The following SEMA6D variants were observed in gnomAD, a reference collection of about 807,000 sequenced individuals.
SEMA6D encodes the protein semaphorin 6D.
Under a neutral mutation model 106.6 loss-of-function variants are expected in SEMA6D, and 35 were observed. The ratio of observed to expected loss-of-function variants is 0.33; its 90% CI spans 0.25 to 0.44. SEMA6D has a LOEUF of 0.44. Ranked by LOEUF, SEMA6D falls within the 20% of genes least tolerant of loss-of-function variation. SEMA6D has a pLI of 1.00. For missense variants in SEMA6D, 1,185 were observed against 1,345.9 expected, an observed-to-expected ratio of 0.88 and a Z score of 1.87; for synonymous variants, 499 against 487.7, an observed-to-expected ratio of 1.02 and a Z score of -0.31.
chr15:47,654,151 C>A (rs190479021), intron 4 of SEMA6D, among the ~76,000 whole-genome samples: 2 of 152,278 alleles, frequency 1.3e-5, no homozygotes. Context: ...AACTGCAGGG[C>A]TCTTCCTCTT....
chr15:47,749,373 G>A (rs2081311254), intron 1 of SEMA6D, among the ~76,000 whole-genome samples: 1 of 152,080 alleles, frequency 6.6e-6, no homozygotes, highest in South Asian at 2.1e-4. Flanking sequence ...GAGCCACTGC[G>A]CCCGGCCTAA....
At chr15:47,492,772 G>T (rs2043511987) in intron 3 of SEMA6D, among the ~76,000 whole-genome samples, 1 of 152,084 alleles carries the variant, frequency 6.6e-6, no homozygotes, top group South Asian at 2.1e-4. Flanking sequence ...TATAACCGCT[G>T]CCCCTTAAAT....
intron 3 of SEMA6D, among the ~76,000 whole-genome samples, chr15:47,472,380 C>A (rs2042877371): frequency 6.6e-6 from 1 of 152,140 alleles, no homozygotes. Flanking sequence ...AGTCCACATG[C>A]CCTAATTATC....
intron 1 of SEMA6D, among the ~76,000 whole-genome samples, chr15:47,758,354 C>A (rs1294615663): frequency 6.6e-6 from 1 of 152,126 alleles, no homozygotes; most frequent in Non-Finnish European, 1.5e-5. Context: ...CTCTCATGAT[C>A]TCTCCTAAAG....
rs12593586 is a variant in SEMA6D at position 47,314,750 on chromosome 15, A to T, written c.-238-97643A>T. ...GGACTTTCATAGAGCAGACATTTTTAATTTTAATGAAGTGCCAATTATCAA... is the reference window on the plus strand; with the variant it reads ...GGACTTTCATAGAGCAGACATTTTTTATTTTAATGAAGTGCCAATTATCAA... On this transcript the variant is annotated intron_variant, in intron 1 of 19. Transcript: ENST00000558014. Among the ~76,000 whole-genome samples the T allele has an allele frequency of 4.3e-3, 653 of 151,470 alleles. 10 individuals carry two copies. The East Asian group carries it at 0.051, about 12-fold the overall frequency.
chr15:47,420,052 G>C (rs1270161169), intron 2 of SEMA6D, among the ~76,000 whole-genome samples: 1 of 152,112 alleles, frequency 6.6e-6, no homozygotes, highest in Admixed American at 6.6e-5. Flanking sequence ...GCTGTCAGGT[G>C]GTGATTGACT....
At chr15:47,581,428 G>A (rs1254851503) in intron 3 of SEMA6D, 6 of 477,654 alleles carry the variant, frequency 1.3e-5, no homozygotes, top group Non-Finnish European at 1.7e-5. Context: ...GTAAATCAGG[G>A]AACATAGCTG....
At chr15:47,480,506 G>A (rs2043125923) in intron 3 of SEMA6D, among the ~76,000 whole-genome samples, 1 of 151,950 alleles carries the variant, frequency 6.6e-6, no homozygotes, top group Non-Finnish European at 1.5e-5. Flanking sequence ...TCTTCATGAG[G>A]CCTCTGCATT....
chr15:47,544,336 C>T (rs1394070649), intron 3 of SEMA6D, among the ~76,000 whole-genome samples: 1 of 152,044 alleles, frequency 6.6e-6, no homozygotes, highest in Non-Finnish European at 1.5e-5. Context: ...AACACTAATA[C>T]TCTTGTTAGA....
At chr15:47,369,440 T>C (rs1169311919) in intron 1 of SEMA6D, among the ~76,000 whole-genome samples, 1 of 152,264 alleles carries the variant, frequency 6.6e-6, no homozygotes, top group Non-Finnish European at 1.5e-5. Flanking sequence ...CATCTTTCCA[T>C]TATTGCTGAT....
chr15:47,482,845 TAGAG>T (rs147848359), intron 3 of SEMA6D, among the ~76,000 whole-genome samples: 3,108 of 152,236 alleles, frequency 0.02, 105 homozygotes, highest in African/African-American at 0.07. Context: ...AGAAATGGCT[TAGAG>T]AGAGGATAAA....
chr15:47,616,425 C>T (rs146147367), intron 4 of SEMA6D, among the ~76,000 whole-genome samples: 46 of 152,188 alleles, frequency 3.0e-4, no homozygotes, highest in African/African-American at 9.6e-4. Context: ...TTGCCTCAGC[C>T]TCCCAAAGTG....
At chr15:47,423,977 G>A (rs575074578) in intron 2 of SEMA6D, among the ~76,000 whole-genome samples, 4 of 152,154 alleles carry the variant, frequency 2.6e-5, no homozygotes, top group South Asian at 4.1e-4. Flanking sequence ...AAGAACTCAC[G>A]TTTTCTGCTT....
chr15:47,384,778 A>G (rs2039758528), intron 1 of SEMA6D, among the ~76,000 whole-genome samples: 1 of 111,228 alleles, frequency 9.0e-6, no homozygotes, highest in Admixed American at 9.2e-5. Flanking sequence ...TTATTTTCCC[A>G]TTTATCTATT....
intron 3 of SEMA6D, among the ~76,000 whole-genome samples, chr15:47,591,739 T>C (rs2076444055): frequency 6.6e-6 from 1 of 152,124 alleles, no homozygotes. Context: ...ACAGCAAATG[T>C]GTGGATGGAG....
chr15:47,764,136 G>A (rs1423847858), intron 10 of SEMA6D, 38 bp from the exon 11 acceptor site: 1 of 1,612,690 alleles, frequency 6.2e-7, no homozygotes, highest in Non-Finnish European at 8.5e-7. Flanking sequence ...CAGGCTTCAT[G>A]TCGCCAGCCT....
intron 1 of SEMA6D, among the ~76,000 whole-genome samples, chr15:47,285,524 G>A (rs2035323564): frequency 6.6e-6 from 1 of 151,984 alleles, no homozygotes; most frequent in South Asian, 2.1e-4. Flanking sequence ...CCTACTACAG[G>A]GACAGACCCT....
chr15:47,251,917 T>TGAGTG (rs1341336955), intron 1 of SEMA6D, among the ~76,000 whole-genome samples: 4 of 130,926 alleles, frequency 3.1e-5, no homozygotes, highest in African/African-American at 8.9e-5. Flanking sequence ...ATTTTTTTTT[T>TGAGTG]TTTTTTTTTT....
At chr15:47,748,421 G>A (rs1435292533) in intron 1 of SEMA6D, among the ~76,000 whole-genome samples, 1 of 152,244 alleles carries the variant, frequency 6.6e-6, no homozygotes, top group Non-Finnish European at 1.5e-5. Flanking sequence ...AGAGGAAAAT[G>A]ATCCTTTGAG....
Sources: allele counts gnomAD v4.1 joint callset (sites outside exome capture counted in the v4.1 genomes callset), GRCh38; gene constraint gnomAD v4.1.1; transcripts MANE v1.5; gene names NCBI Gene and HGNC (gene_info 2026-07-23, HGNC 2026-07-21).